RPTOR: variants seen among roughly 807,000 people sequenced by gnomAD.
The protein encoded by RPTOR is regulatory-associated protein of mTOR.
Under a neutral mutation model 169.9 loss-of-function variants are expected in RPTOR, and 21 were observed. That is an observed-to-expected ratio of 0.12 (90% CI 0.09 to 0.18). RPTOR has a LOEUF of 0.18. Ranked by LOEUF, RPTOR falls within the 10% of genes least tolerant of loss-of-function variation. RPTOR has a pLI of 1.00. For synonymous variants in RPTOR, 732 were observed against 753.2 expected (o/e 0.97, Z 0.46); for missense variants, 1,133 against 1,855.9 (o/e 0.61, Z 7.16).
chr17:80,814,635 G>A (rs1184619434), intron 7 of RPTOR, among the ~76,000 whole-genome samples: 3 of 152,148 alleles, frequency 2.0e-5, no homozygotes, highest in African/African-American at 4.8e-5. Context: ...TTGGCTCATC[G>A]TATGTATGCG....
intron 1 of RPTOR, among the ~76,000 whole-genome samples, chr17:80,618,376 A>T (rs535890998): frequency 6.7e-6 from 1 of 149,600 alleles, no homozygotes; most frequent in African/African-American, 2.6e-5. Context: ...CTTTTATGAA[A>T]CTTATTTTGT....
chr17:80,841,225 C>A (rs1305879402), intron 10 of RPTOR, among the ~76,000 whole-genome samples: 1 of 115,526 alleles, frequency 8.7e-6, no homozygotes, highest in Non-Finnish European at 1.8e-5. Context: ...CGCACGGCAG[C>A]TCACTCTCAC....
chr17:80,945,243 T>A (rs895158811), intron 25 of RPTOR, among the ~76,000 whole-genome samples: 2 of 151,846 alleles, frequency 1.3e-5, no homozygotes, highest in East Asian at 3.9e-4. Context: ...CAGTGAGCCA[T>A]GATCACACCA....
At chr17:80,787,656 G>GATC (rs1266571652) in intron 6 of RPTOR, among the ~76,000 whole-genome samples, 1 of 152,146 alleles carries the variant, frequency 6.6e-6, no homozygotes, top group African/African-American at 2.4e-5. Flanking sequence ...GACAGCCTAT[G>GATC]ATCCACATCC....
At chr17:80,911,907 C>T (rs558391896) in intron 21 of RPTOR, among the ~76,000 whole-genome samples, 1 of 152,332 alleles carries the variant, frequency 6.6e-6, no homozygotes, top group African/African-American at 2.4e-5. Context: ...TGCACAAACA[C>T]CCCTGAGGAA....
intron 3 of RPTOR, among the ~76,000 whole-genome samples, chr17:80,692,946 CAT>C (rs1203256343): frequency 1.3e-5 from 2 of 152,212 alleles, no homozygotes; most frequent in Non-Finnish European, 2.9e-5. Context: ...ATGTGTACCA[CAT>C]GTGATGACAC....
rs117896984 is a variant in RPTOR, at chr17:80,570,225, T to C, written c.162+24434T>C. Among the ~76,000 whole-genome samples, 96 of 152,302 alleles carry C rather than the reference T, an allele frequency of 6.3e-4. 1 individual carries two copies. In the East Asian group the frequency reaches 0.018, roughly 29 times the overall value. ...CCCGCTCAGGGACCACGTTCCTGTA[T>C]GACTCGTTGTTCAATGCCTGAAGAA... On this transcript the variant is annotated intron_variant, in intron 1 of 33. Coordinates refer to ENST00000306801, the MANE Select transcript of RPTOR (RefSeq NM_020761.3).
At chr17:80,822,907 A>G (rs2067397917) in intron 8 of RPTOR, among the ~76,000 whole-genome samples, 172 bp from the exon 9 acceptor site, 1 of 151,972 alleles carries the variant, frequency 6.6e-6, no homozygotes, top group Non-Finnish European at 1.5e-5. Flanking sequence ...ACGTGTGTGT[A>G]TGTTTAAGTG....
At chr17:80,879,272 G>T (rs2068158101) in intron 13 of RPTOR, among the ~76,000 whole-genome samples, 1 of 151,500 alleles carries the variant, frequency 6.6e-6, no homozygotes, top group Non-Finnish European at 1.5e-5. Context: ...CAGCCTGTCT[G>T]ACCCGTAGCC....
At chr17:80,821,799 C>T (rs1365708844) in intron 7 of RPTOR, among the ~76,000 whole-genome samples, 2 of 152,178 alleles carry the variant, frequency 1.3e-5, no homozygotes, top group Non-Finnish European at 2.9e-5. Flanking sequence ...CCAGCATGGA[C>T]GGTGTACTTC....
At chr17:80,840,699 A>G (rs1242726302) in intron 10 of RPTOR, among the ~76,000 whole-genome samples, 42 of 61,458 alleles carry the variant, frequency 6.8e-4, no homozygotes, top group Non-Finnish European at 9.8e-4. Flanking sequence ...CACTCTCACC[A>G]CACGGCAGCT....
intron 6 of RPTOR, among the ~76,000 whole-genome samples, chr17:80,759,097 GTAGTC>G (rs1342778449): frequency 6.6e-5 from 10 of 151,942 alleles, no homozygotes; most frequent in Admixed American, 5.9e-4. Context: ...AGTGCGTCCT[GTAGTC>G]CCAGCTGCTT....
intron 27 of RPTOR, among the ~76,000 whole-genome samples, chr17:80,949,207 T>G (rs4969314): frequency 0.25 from 37,881 of 152,056 alleles, 5,490 homozygotes; most frequent in Middle Eastern, 0.34. Context: ...GGGACAGGAT[T>G]GTGGTCTCCC....
intron 13 of RPTOR, among the ~76,000 whole-genome samples, chr17:80,859,026 C>CGGGCTGCA (rs2067887854): frequency 1.3e-5 from 2 of 151,952 alleles, no homozygotes; most frequent in Non-Finnish European, 2.9e-5. Context: ...CAGAGGAGGT[C>CGGGCTGCA]GGGCTGCAGG....
intron 13 of RPTOR, among the ~76,000 whole-genome samples, chr17:80,863,483 T>C (rs980722558): frequency 3.3e-5 from 5 of 152,190 alleles, no homozygotes; most frequent in African/African-American, 9.7e-5. Flanking sequence ...AGAAGTCTAC[T>C]CTACATATTC....
intron 10 of RPTOR, among the ~76,000 whole-genome samples, chr17:80,843,429 ATT>A (rs67266156): frequency 2.7e-4 from 40 of 150,672 alleles, no homozygotes; most frequent in Admixed American, 1.1e-3. Context: ...TCAAAAAAAA[ATT>A]TTTTTTTTTG....
chr17:80,815,502 C>T (rs1231120957), intron 7 of RPTOR, among the ~76,000 whole-genome samples: 4 of 152,254 alleles, frequency 2.6e-5, no homozygotes, highest in African/African-American at 4.8e-5. Flanking sequence ...CCACAGGCAG[C>T]AGACAGCCAT....
chr17:80,870,662 T>G (rs1474715954), intron 13 of RPTOR, among the ~76,000 whole-genome samples: 5 of 152,266 alleles, frequency 3.3e-5, no homozygotes, highest in African/African-American at 1.2e-4. Flanking sequence ...GGCAGTGCCC[T>G]GGTGGGGGCT....
chr17:80,913,600 G>A (rs781241982), intron 21 of RPTOR, among the ~76,000 whole-genome samples: 5 of 152,098 alleles, frequency 3.3e-5, no homozygotes, highest in East Asian at 1.9e-4. Flanking sequence ...CTACAGGGGC[G>A]CACCACCATG....
Sources: allele counts gnomAD v4.1 joint callset (sites outside exome capture counted in the v4.1 genomes callset), GRCh38; gene constraint gnomAD v4.1.1; transcripts MANE v1.5; gene names NCBI Gene and HGNC (gene_info 2026-07-23, HGNC 2026-07-21).